The following OPTN variants were observed in gnomAD, a reference collection of about 807,000 sequenced individuals.
OPTN encodes E3-14.7K-interacting protein.
OPTN carries 54 observed loss-of-function variants against 70.4 expected under a neutral mutation model. The observed-to-expected ratio is 0.77, with a 90% CI of 0.62 to 0.96. The LOEUF is 0.96. Among genes scored for constraint, OPTN ranks in the 40% least tolerant of loss-of-function variants. The pLI, the probability that OPTN is intolerant of heterozygous loss-of-function variation, is 0.00. For missense variants in OPTN, 624 were observed against 673.2 expected (o/e 0.93, Z 0.81); for synonymous variants, 256 against 248.5 (o/e 1.03, Z -0.28).
chr10:13,127,800 C>T lies in OPTN; in HGVS notation c.1298C>T (p.Ala433Val), dbSNP rs1350829993. The T allele has an allele frequency of 5.6e-6, 9 of 1,613,970 alleles. No individual in the cohort carries two copies. The highest frequency in any genetic ancestry group is 2.2e-5 in the East Asian group (1 of 44,896). ...GAACTGAGTGAAAAACTGGAACTGG[C>T]AGAGAAGGCTCTGGCTTCCAAACAG... is the stretch of plus-strand genomic sequence containing the variant. ...LKELSEKLEL[A>V]EKALASKQLQ... Residue 433 changes from alanine (A) to valine (V), a missense_variant, in exon 12 of 15, where the codon GCA becomes GTA. Transcript: ENST00000378747.
intron 14 of OPTN, among the ~76,000 whole-genome samples, chr10:13,135,715 C>T (rs1032035702): frequency 6.6e-6 from 1 of 152,164 alleles, no homozygotes; most frequent in Non-Finnish European, 1.5e-5. Context: ...AAGGTACACT[C>T]TGTTCTAGGA....
intron 14 of OPTN, among the ~76,000 whole-genome samples, chr10:13,134,603 A>G (rs1410921244): frequency 6.6e-6 from 1 of 151,504 alleles, no homozygotes; most frequent in Non-Finnish European, 1.5e-5. Flanking sequence ...TGGCTAATTT[A>G]TTTTAGTAGA....
chr10:13,109,450 C>G (rs1417007986), intron 3 of OPTN, 162 bp downstream of exon 3: 2 of 658,144 alleles, frequency 3.0e-6, no homozygotes, highest in African/African-American at 3.7e-5. Flanking sequence ...TAAATCTGTT[C>G]TGATTTTTAC....
Position 13,122,456 on chromosome 10 carries a change from A to C in OPTN, c.851A>C (p.Lys284Thr). Residue 284 changes from lysine (K) to threonine (T), a missense_variant, in exon 8 of 15, where the codon AAA becomes ACA. Lys to Thr is a moderately conservative substitution (Grantham distance 78). Coordinates refer to ENST00000378747, the MANE Select transcript of OPTN (RefSeq NM_001008212.2). ...ACCCAGACAGAGGGGAGCACAGAGAAAGAGAATGATGAAGAGAAAGGCCCG... is the reference window on the plus strand; with the variant it reads ...ACCCAGACAGAGGGGAGCACAGAGACAGAGAATGATGAAGAGAAAGGCCCG... Reference protein sequence around the residue: ...IETQTEGSTEKENDEEKGPET... With the variant: ...IETQTEGSTETENDEEKGPET... The C allele has an allele frequency of 6.2e-7, 1 of 1,614,052 alleles. No homozygotes were observed. The highest frequency in any genetic ancestry group is 8.5e-7 in the Non-Finnish European group (1 of 1,179,906).
At chr10:13,112,388 C>T in intron 4 of OPTN, 65 bp from the exon 5 acceptor site, 1 of 1,484,314 alleles carries the variant, frequency 6.7e-7, no homozygotes. Context: ...CGATTAAGGG[C>T]ATGAGCCCAT....
At position 13,125,857 on chromosome 10, in the gene OPTN, A is replaced by G. The variant is rs676312; in HGVS notation, c.1149-89A>G. ...TAAAGGTAGGCGAGAAGATTTTTCT[A>G]CTGGAGTGTTCAGAAGGTTGGGAGG... On this transcript the variant is annotated intron_variant, in intron 10 of 14. Coordinates refer to ENST00000378747, the MANE Select transcript of OPTN (RefSeq NM_001008212.2). 3.1e-3 allele frequency: 3,020 copies of G among 964,748 alleles called. 77 individuals carry two copies. The African/African-American group carries it at 0.044, about 14-fold the overall frequency. The allele number at this position is 964,748 out of a possible 1,614,324, so 59.8% of individuals were successfully genotyped here.
chr10:13,126,549 G>C (rs1214379766), intron 11 of OPTN, among the ~76,000 whole-genome samples: 3 of 151,784 alleles, frequency 2.0e-5, no homozygotes, highest in Non-Finnish European at 2.9e-5. Flanking sequence ...CAAAGTGCTG[G>C]GATTACAGGC....
intron 10 of OPTN, 22 bp from the exon 11 acceptor site, chr10:13,125,924 T>G: frequency 6.4e-7 from 1 of 1,550,508 alleles, no homozygotes; most frequent in African/African-American, 1.4e-5. Flanking sequence ...AGGATTCCAT[T>G]TTTTAATATC....
chr10:13,132,445 T>C (rs1339355538), intron 13 of OPTN, among the ~76,000 whole-genome samples: 1 of 152,156 alleles, frequency 6.6e-6, no homozygotes, highest in Non-Finnish European at 1.5e-5. Context: ...TGACAGAGAC[T>C]TGTGGGAGCT....
chr10:13,127,342 T>G (rs967541309), intron 11 of OPTN, among the ~76,000 whole-genome samples: 1 of 152,194 alleles, frequency 6.6e-6, no homozygotes, highest in African/African-American at 2.4e-5. Flanking sequence ...TCTTTTCCAC[T>G]GACTGCAGGA....
chr10:13,129,211 ATCTTT>A (rs1344984929), intron 12 of OPTN, among the ~76,000 whole-genome samples: 2 of 152,132 alleles, frequency 1.3e-5, no homozygotes, highest in African/African-American at 4.8e-5. Context: ...CATTTAAGCC[ATCTTT>A]TCTTAAGTGC....
At chr10:13,104,254 C>CTTTTT (rs60982439) in intron 1 of OPTN, among the ~76,000 whole-genome samples, 3 of 97,836 alleles carry the variant, frequency 3.1e-5, no homozygotes, top group African/African-American at 8.0e-5. Flanking sequence ...GTTTTTTTTT[C>CTTTTT]TTTTTTTTTT....
At chr10:13,107,203 C>T (rs973848811) in intron 1 of OPTN, among the ~76,000 whole-genome samples, 7 of 151,484 alleles carry the variant, frequency 4.6e-5, no homozygotes, top group African/African-American at 1.2e-4. Context: ...GATGAAACCC[C>T]GTCTCTACTA....
At chr10:13,108,969 C>G (rs889769965) in intron 2 of OPTN, 143 bp from the exon 3 acceptor site, 1 of 787,502 alleles carries the variant, frequency 1.3e-6, no homozygotes, top group Non-Finnish European at 2.2e-6. Flanking sequence ...AAGGAAGAAT[C>G]AAAAATGTCC....
Position 13,132,107 on chromosome 10 carries a change from CGA to C in OPTN, c.1449_1450del (p.Lys484AsnfsTer3). 4 of 1,613,220 alleles carry C rather than the reference CGA, an allele frequency of 2.5e-6. No individual in the cohort carries two copies. The highest frequency in any genetic ancestry group is 3.4e-6 in the Non-Finnish European group (4 of 1,179,480). On this transcript the variant is annotated frameshift_variant, in exon 13 of 15. Transcript: ENST00000378747. LOFTEE classifies it high-confidence loss of function. ...TCTGATTTTCATGCTGAAAGAGCAG[CGA>C]GAGAGAAAATTCATGAGGAAAAGGA...
rs779232930 is a variant in OPTN at position 13,112,482 on chromosome 10, G to A, written c.399G>A (p.Arg133=). ...CCACTGATGACTCCAGGCTTCCCAGGGCCGAAGCGGAGCAGGAAAAGGACC... is the reference window on the plus strand; with the variant it reads ...CCACTGATGACTCCAGGCTTCCCAGAGCCGAAGCGGAGCAGGAAAAGGACC... ...EDPTDDSRLP[R]AEAEQEKDQL... The change falls in exon 5 of 15, where the codon AGG becomes AGA. Residue 133 remains arginine (R), a synonymous_variant. Transcript: ENST00000378747. 10 of 1,613,930 alleles carry A rather than the reference G, an allele frequency of 6.2e-6. No homozygotes were observed. Among genetic ancestry groups the A allele is most frequent in the Non-Finnish European group, 8.5e-6 (10 of 1,180,010 alleles).
At chr10:13,103,183 C>CT (rs1832787194) in intron 1 of OPTN, among the ~76,000 whole-genome samples, 1 of 152,138 alleles carries the variant, frequency 6.6e-6, no homozygotes, top group African/African-American at 2.4e-5. Flanking sequence ...GATGCATACT[C>CT]TAAGTTCTTT....
At chr10:13,125,175 A>G (rs1445292064) in intron 9 of OPTN, among the ~76,000 whole-genome samples, 1 of 152,212 alleles carries the variant, frequency 6.6e-6, no homozygotes, top group Non-Finnish European at 1.5e-5. Flanking sequence ...AGTTTAAACA[A>G]TTATTCAAAG....
intron 1 of OPTN, among the ~76,000 whole-genome samples, chr10:13,105,079 C>G (rs750046822): frequency 6.6e-6 from 1 of 152,046 alleles, no homozygotes; most frequent in Non-Finnish European, 1.5e-5. Context: ...GGATTACAGG[C>G]ATAAGCCACT....
Sources: gnomAD v4.1 joint callset for allele counts (sites outside exome capture counted in the v4.1 genomes callset) on GRCh38, gnomAD v4.1.1 for gene constraint, MANE v1.5 for transcripts, NCBI Gene and HGNC (gene_info 2026-07-23, HGNC 2026-07-21) for gene names.